The following UBE2W variants were observed in gnomAD, a reference collection of about 807,000 sequenced individuals.
UBE2W encodes ubiquitin-conjugating enzyme E2 W.
In UBE2W, 18 loss-of-function variants were observed where a neutral mutation model predicts 27.2. The observed-to-expected ratio is 0.66, with a 90% CI of 0.46 to 0.98. UBE2W has a LOEUF of 0.98. UBE2W is among the 50% of genes least tolerant of loss of function. The probability of loss-of-function intolerance (pLI) is 0.00; values close to 1 mark genes in which losing one functional copy is unlikely to be tolerated. For missense variants in UBE2W, 90 were observed against 180.2 expected (o/e 0.50, Z 2.87); for synonymous variants, 53 against 57.2 (o/e 0.93, Z 0.33).
intron 1 of UBE2W, among the ~76,000 whole-genome samples, chr8:73,872,885 A>ATCCTTTTTTTTTT (rs1266280556): frequency 6.7e-6 from 1 of 150,124 alleles, no homozygotes; most frequent in East Asian, 1.9e-4. Context: ...TTCAAAGATA[A>ATCCTTTTTTTTTT]TCCTTTTTTT....
intron 1 of UBE2W, among the ~76,000 whole-genome samples, chr8:73,848,236 T>C (rs1436596025): frequency 1.3e-5 from 2 of 151,792 alleles, no homozygotes; most frequent in Admixed American, 6.6e-5. Context: ...AATTGGTAAA[T>C]TGTATATTCA....
intron 1 of UBE2W, among the ~76,000 whole-genome samples, chr8:73,864,266 T>C (rs981521769): frequency 6.6e-6 from 1 of 152,182 alleles, no homozygotes; most frequent in Non-Finnish European, 1.5e-5. Flanking sequence ...TGGTGGCACA[T>C]GACTGTAATC....
chr8:73,824,983 A>G (rs929141188), intron 3 of UBE2W, among the ~76,000 whole-genome samples, 164 bp downstream of exon 3: 3 of 152,252 alleles, frequency 2.0e-5, no homozygotes, highest in Non-Finnish European at 4.4e-5. Flanking sequence ...CCTAATCCCA[A>G]TAAAGTGTAA....
intron 2 of UBE2W, among the ~76,000 whole-genome samples, chr8:73,827,641 C>G (rs1397705116): frequency 1.3e-5 from 2 of 151,986 alleles, no homozygotes; most frequent in South Asian, 2.1e-4. Context: ...GTGACTCCCC[C>G]ACCTCAGACT....
chr8:73,793,308 C>A lies in UBE2W; in HGVS notation c.*794G>T. ...CAATTTAATCATCACTGCCATTTTT[C>A]TTACTTCCAAAATAAAGCCTTGATT... On this transcript the variant is annotated 3_prime_UTR_variant, in exon 6 of 6. Coordinates refer to ENST00000602593, the MANE Select transcript of UBE2W (RefSeq NM_018299.6). 1.0e-6 allele frequency: 1 copy of A among 985,816 alleles called. No homozygotes were observed. Among genetic ancestry groups the A allele is most frequent in the Non-Finnish European group, 1.2e-6 (1 of 829,902 alleles). 61.1% of individuals were successfully genotyped at this position (985,816 alleles called of 1,614,324 possible). A position where few individuals can be genotyped will look rare whatever the true frequency, so the allele number is the denominator to read the frequency against.
At chr8:73,808,235 CTTTTCTT>C (rs1809002374) in intron 4 of UBE2W, among the ~76,000 whole-genome samples, 1 of 151,606 alleles carries the variant, frequency 6.6e-6, no homozygotes, top group South Asian at 2.1e-4. Flanking sequence ...ATTTAAAATA[CTTTTCTT>C]TTTTCTTTTT....
intron 5 of UBE2W, among the ~76,000 whole-genome samples, chr8:73,797,410 A>G (rs992022500): frequency 6.6e-6 from 1 of 152,254 alleles, no homozygotes. Context: ...TTTTCCTTTA[A>G]CGAACCAATT....
chr8:73,875,224 A>G (rs1396858439), intron 1 of UBE2W, among the ~76,000 whole-genome samples: 2 of 152,232 alleles, frequency 1.3e-5, no homozygotes, highest in Non-Finnish European at 2.9e-5. Flanking sequence ...CTCTAGCAAT[A>G]TTAGGGAGTA....
intron 5 of UBE2W, among the ~76,000 whole-genome samples, chr8:73,802,868 A>G (rs1362841885): frequency 2.0e-5 from 3 of 151,902 alleles, no homozygotes; most frequent in Non-Finnish European, 2.9e-5. Context: ...CTAAAAATAC[A>G]AAAAATTAGC....
chr8:73,867,170 G>A (rs967366776), intron 1 of UBE2W, among the ~76,000 whole-genome samples: 10 of 152,296 alleles, frequency 6.6e-5, no homozygotes, highest in African/African-American at 1.4e-4. Context: ...GGAGGCTGCA[G>A]TGGGTGGATC....
intron 1 of UBE2W, among the ~76,000 whole-genome samples, chr8:73,877,507 GAAGCA>G (rs1586561186): frequency 2.6e-5 from 4 of 152,106 alleles, no homozygotes. Context: ...GAGTAAATGT[GAAGCA>G]AAGCTATATT....
In UBE2W at chr8:73,788,291, G is replaced by C; in HGVS notation, c.*5811C>G. On this transcript the variant is annotated 3_prime_UTR_variant, in exon 6 of 6. Coordinates refer to ENST00000602593, the MANE Select transcript of UBE2W (RefSeq NM_018299.6). ...AAAAAGTAGTGACTTTACATATTTT[G>C]CAACTTGAGTTTATAAAATATATAC... 3 of 979,662 alleles carry C rather than the reference G, an allele frequency of 3.1e-6. No individual in the cohort carries two copies. The highest frequency in any genetic ancestry group is 3.6e-6 in the Non-Finnish European group (3 of 824,756). 60.7% of individuals were successfully genotyped at this position (979,662 alleles called of 1,614,324 possible).
chr8:73,786,137 G>A, downstream of UBE2W: 1 of 855,420 alleles, frequency 1.2e-6, no homozygotes, highest in Non-Finnish European at 1.4e-6. Context: ...GATGTATTTA[G>A]TTTAAAACAA....
At chr8:73,845,426 G>A (rs972998909) in intron 1 of UBE2W, among the ~76,000 whole-genome samples, 3 of 152,172 alleles carry the variant, frequency 2.0e-5, no homozygotes, top group African/African-American at 7.2e-5. Context: ...CGTGCTCTCT[G>A]AAACATGTGC....
rs760979389 is a variant in UBE2W at position 73,793,143 on chromosome 8, G to A, written c.*959C>T. Reference sequence around the variant, plus strand: ...CAAGATTGCAAACAAAAATGTTTACGGGGTTTCCAAACATAAATAAATGAA... The same window carrying A: ...CAAGATTGCAAACAAAAATGTTTACAGGGTTTCCAAACATAAATAAATGAA... On this transcript the variant is annotated 3_prime_UTR_variant, in exon 6 of 6. Coordinates refer to ENST00000602593, the MANE Select transcript of UBE2W (RefSeq NM_018299.6). 86 of 985,632 alleles carry A rather than the reference G, an allele frequency of 8.7e-5. 1 individual carries two copies. The highest frequency in any genetic ancestry group is 1.2e-4 in the Admixed American group (2 of 16,258). 61.1% of individuals were successfully genotyped at this position (985,632 alleles called of 1,614,324 possible).
At chr8:73,834,067 A>C (rs1810209043) in intron 1 of UBE2W, 1 of 152,240 alleles carries the variant, frequency 6.6e-6, no homozygotes, top group Non-Finnish European at 1.5e-5. Flanking sequence ...AAAGTGAAGA[A>C]GACAAGTATG....
At position 73,791,745 on chromosome 8, in the gene UBE2W, C is replaced by A; in HGVS notation, c.*2357G>T. The stretch of plus-strand genomic sequence containing the variant: ...ATTATGAATTTTAAATGTCTGTGCT[C>A]CTATATTTTAGGATATTTCATCTTA... On this transcript the variant is annotated 3_prime_UTR_variant, in exon 6 of 6. Coordinates refer to ENST00000602593, the MANE Select transcript of UBE2W (RefSeq NM_018299.6). 1.0e-6 allele frequency: 1 copy of A among 982,716 alleles called. No individual in the cohort carries two copies. Among genetic ancestry groups the A allele is most frequent in the Non-Finnish European group, 1.2e-6 (1 of 828,548 alleles). The allele number at this position is 982,716 out of a possible 1,614,324, so 60.9% of individuals were successfully genotyped here. A position where few individuals can be genotyped will look rare whatever the true frequency, so the allele number is the denominator to read the frequency against.
At chr8:73,800,776 TA>T (rs975396743) in intron 5 of UBE2W, among the ~76,000 whole-genome samples, 5 of 152,158 alleles carry the variant, frequency 3.3e-5, no homozygotes, top group Non-Finnish European at 7.3e-5. Flanking sequence ...CTCAGTAACA[TA>T]AAAACTGTTA....
intron 1 of UBE2W, among the ~76,000 whole-genome samples, chr8:73,860,347 A>G (rs1481366085): frequency 6.6e-6 from 1 of 152,222 alleles, no homozygotes; most frequent in African/African-American, 2.4e-5. Flanking sequence ...ATAGACAGCA[A>G]TGGAATCAGA....
Sources: gnomAD v4.1 joint callset for allele counts (sites outside exome capture counted in the v4.1 genomes callset) on GRCh38, gnomAD v4.1.1 for gene constraint, MANE v1.5 for transcripts, NCBI Gene and HGNC (gene_info 2026-07-23, HGNC 2026-07-21) for gene names.